ASAP1: variants seen among roughly 807,000 people sequenced by gnomAD.
ASAP1 encodes arf-GAP with SH3 domain, ANK repeat and PH domain-containing protein 1.
In ASAP1, 43 loss-of-function variants were observed where a neutral mutation model predicts 145.2. That is an observed-to-expected ratio of 0.30 (90% confidence interval 0.23 to 0.38). The LOEUF is 0.38. Ranked by LOEUF, ASAP1 falls within the 10% of genes least tolerant of loss-of-function variation. The pLI, the probability that ASAP1 is intolerant of heterozygous loss-of-function variation, is 1.00. For synonymous variants in ASAP1, 546 were observed against 515.5 expected (o/e 1.06, Z -0.80); for missense variants, 1,018 against 1,355.3 (o/e 0.75, Z 3.91).
At chr8:130,267,538 T>C (rs1820334188) in intron 3 of ASAP1, among the ~76,000 whole-genome samples, 1 of 152,154 alleles carries the variant, frequency 6.6e-6, no homozygotes, top group Non-Finnish European at 1.5e-5. Flanking sequence ...ACACAGCAGG[T>C]AAATGGAGGG....
At chr8:130,330,952 C>G (rs1435939719) in intron 3 of ASAP1, among the ~76,000 whole-genome samples, 1 of 152,104 alleles carries the variant, frequency 6.6e-6, no homozygotes, top group East Asian at 1.9e-4. Context: ...TTCTCAGTAG[C>G]AGATGATATG....
chr8:130,406,524 A>C (rs1270622426), intron 1 of ASAP1, among the ~76,000 whole-genome samples: 1 of 147,058 alleles, frequency 6.8e-6, no homozygotes, highest in Non-Finnish European at 1.5e-5. Flanking sequence ...CCCAGGCTGG[A>C]GTGCTGGAGT....
chr8:130,286,880 C>T (rs1413034403), intron 3 of ASAP1, among the ~76,000 whole-genome samples: 2 of 152,172 alleles, frequency 1.3e-5, no homozygotes, highest in African/African-American at 4.8e-5. Context: ...TTTATCTAGA[C>T]ATCAGTTTAT....
chr8:130,115,167 T>G (rs753511865), intron 23 of ASAP1, among the ~76,000 whole-genome samples: 1 of 152,238 alleles, frequency 6.6e-6, no homozygotes, highest in Non-Finnish European at 1.5e-5. Flanking sequence ...ACCATTTAAA[T>G]GAGTAGATTT....
chr8:130,121,966 G>T, intron 18 of ASAP1, among the ~76,000 whole-genome samples: 1 of 151,776 alleles, frequency 6.6e-6, no homozygotes, highest in Non-Finnish European at 1.5e-5. Context: ...TCTCCCTCTT[G>T]CTCAGTTCTC....
chr8:130,123,736 C>T (rs1009844923), intron 18 of ASAP1, among the ~76,000 whole-genome samples: 1 of 152,106 alleles, frequency 6.6e-6, no homozygotes, highest in African/African-American at 2.4e-5. Flanking sequence ...ATGCCATTCT[C>T]CTGCCTCAGC....
Position 130,198,322 on chromosome 8 carries a change from G to A in ASAP1, c.406-10139C>T, listed in dbSNP as rs1048001311. Among the ~76,000 whole-genome samples the A allele has an allele frequency of 1.8e-4, 28 of 151,928 alleles. No individual in the cohort carries two copies. The South Asian group carries it at 2.5e-3, about 14-fold the overall frequency. On this transcript the variant is annotated intron_variant, in intron 5 of 29. Coordinates refer to ENST00000518721, the MANE Select transcript of ASAP1 (RefSeq NM_018482.4). ...GTATTTTTAGTAGAGACAGGGTTTC[G>A]TCATGTTGAATCATAAGATTCTTTA...
At chr8:130,435,189 A>G (rs780269019) in intron 1 of ASAP1, among the ~76,000 whole-genome samples, 1 of 152,230 alleles carries the variant, frequency 6.6e-6, no homozygotes, top group Non-Finnish European at 1.5e-5. Flanking sequence ...AGGTCCACAG[A>G]GGATAAATGG....
intron 3 of ASAP1, among the ~76,000 whole-genome samples, chr8:130,312,401 G>A (rs142801198): frequency 6.6e-6 from 1 of 151,898 alleles, no homozygotes; most frequent in African/African-American, 2.4e-5. Flanking sequence ...CAAACCAGAC[G>A]AGAGCTAAAT....
intron 4 of ASAP1, among the ~76,000 whole-genome samples, chr8:130,225,600 A>G (rs1411558522): frequency 6.6e-6 from 1 of 152,198 alleles, no homozygotes; most frequent in African/African-American, 2.4e-5. Flanking sequence ...TTAATATTTG[A>G]TAAAAAAAGA....
chr8:130,324,877 T>C (rs1824228907), intron 3 of ASAP1, among the ~76,000 whole-genome samples: 1 of 152,314 alleles, frequency 6.6e-6, no homozygotes, highest in East Asian at 1.9e-4. Flanking sequence ...GCACAGTGCA[T>C]GAGCATCTGG....
chr8:130,388,810 G>A (rs1167778794), intron 2 of ASAP1, among the ~76,000 whole-genome samples: 1 of 152,136 alleles, frequency 6.6e-6, no homozygotes, highest in Non-Finnish European at 1.5e-5. Context: ...GGGAGGGGAT[G>A]AAAGGATCAT....
At chr8:130,081,186 T>C (rs1309987849) in intron 25 of ASAP1, among the ~76,000 whole-genome samples, 1 of 152,120 alleles carries the variant, frequency 6.6e-6, no homozygotes, top group Non-Finnish European at 1.5e-5. Flanking sequence ...GGGGAAGACA[T>C]AGCACCTGGA....
chr8:130,368,893 T>C (rs571166737), intron 2 of ASAP1, among the ~76,000 whole-genome samples: 1 of 152,326 alleles, frequency 6.6e-6, no homozygotes, highest in Non-Finnish European at 1.5e-5. Flanking sequence ...TCTTTTTTAG[T>C]GTAAGCTAGT....
chr8:130,169,604 G>A (rs1256446354), intron 9 of ASAP1, among the ~76,000 whole-genome samples: 1 of 152,138 alleles, frequency 6.6e-6, no homozygotes, highest in Non-Finnish European at 1.5e-5. Context: ...TAATACCAAC[G>A]GGTTTGGAAA....
chr8:130,095,606 C>T, intron 24 of ASAP1, among the ~76,000 whole-genome samples: 1 of 148,314 alleles, frequency 6.7e-6, no homozygotes, highest in Non-Finnish European at 1.5e-5. Context: ...TGGCCTAAGG[C>T]CAGTGATTCT....
chr8:130,115,993 C>T (rs1219811790), intron 22 of ASAP1, among the ~76,000 whole-genome samples: 1 of 152,168 alleles, frequency 6.6e-6, no homozygotes, highest in East Asian at 1.9e-4. Flanking sequence ...ATTAAATGGG[C>T]CTCAAACTTG....
At chr8:130,209,009 T>C (rs1474939595) in intron 5 of ASAP1, among the ~76,000 whole-genome samples, 2 of 152,194 alleles carry the variant, frequency 1.3e-5, no homozygotes, top group Non-Finnish European at 2.9e-5. Context: ...AGGGGGAATA[T>C]GAAAGAGAAA....
In ASAP1 at chr8:130,177,979, A is replaced by G. The variant is rs968756605; in HGVS notation, c.746+1285T>C. 3.3e-5 allele frequency among the ~76,000 whole-genome samples: 5 copies of G among 152,190 alleles called. 1 individual carries two copies. In the South Asian group the frequency reaches 1.0e-3, roughly 31 times the overall value. On this transcript the variant is annotated intron_variant, in intron 9 of 29. Transcript: ENST00000518721. ...ATACTGAGGTTTAGTGAAGTACCTG[A>G]TTAAGAATACAGTTAACCAGCTGCA...
Sources: gnomAD v4.1 joint callset for allele counts (sites outside exome capture counted in the v4.1 genomes callset) on GRCh38, gnomAD v4.1.1 for gene constraint, MANE v1.5 for transcripts, NCBI Gene and HGNC (gene_info 2026-07-23, HGNC 2026-07-21) for gene names.